BANK1: variants seen among roughly 807,000 people sequenced by gnomAD.
BANK1 encodes B cell scaffold protein with ankyrin repeats 1.
In BANK1, 95 loss-of-function variants were observed where a neutral mutation model predicts 94.5. That is an observed-to-expected ratio of 1.00 (90% CI 0.85 to 1.19). The LOEUF (loss-of-function observed/expected upper bound fraction) is 1.19. Ranked by LOEUF, BANK1 falls within the 50% of genes most tolerant of loss-of-function variation. The pLI is 0.00. For synonymous variants in BANK1, 334 were observed against 308.4 expected (o/e 1.08, Z -0.87); for missense variants, 987 against 932.2 (o/e 1.06, Z -0.77).
intron 6 of BANK1, among the ~76,000 whole-genome samples, chr4:101,910,137 ATATGT>A (rs1722613534): frequency 6.6e-6 from 1 of 152,012 alleles, no homozygotes; most frequent in Non-Finnish European, 1.5e-5. Context: ...CACTTGAAGG[ATATGT>A]TAAAATTCAG....
intron 11 of BANK1, among the ~76,000 whole-genome samples, chr4:102,058,529 C>A (rs867632428): frequency 5.9e-5 from 9 of 152,046 alleles, no homozygotes; most frequent in Middle Eastern, 3.4e-3. Flanking sequence ...AAATTCTTAT[C>A]TAAATGCAAT....
chr4:101,891,118 CA>C (rs1404130574), intron 5 of BANK1, among the ~76,000 whole-genome samples: 1 of 152,056 alleles, frequency 6.6e-6, no homozygotes, highest in African/African-American at 2.4e-5. Context: ...TCTGATGTGC[CA>C]AAAGGTCTTC....
At position 101,895,619 on chromosome 4, in the gene BANK1, C is replaced by T. The variant is rs139720918; in HGVS notation, c.1009+209C>T. On this transcript the variant is annotated intron_variant, in intron 6 of 16. Transcript: ENST00000322953. ...TTTTATCTCAGGCCTTAAAAATGCA[C>T]GTAACTTTTGCAATTAAAAAGCTTA... is the stretch of plus-strand genomic sequence containing the variant. Among the ~76,000 whole-genome samples, 670 of 151,742 alleles carry T rather than the reference C, an allele frequency of 4.4e-3. 6 individuals are homozygous for T. The highest frequency in any genetic ancestry group is 0.02 in the Middle Eastern group (6 of 294).
rs1578485939 is a variant in BANK1 at position 102,060,238 on chromosome 4, T to C, written c.1997T>C (p.Phe666Ser). ...QDRARIESPA[F>S]STLRGCLTDG... ...AGAGCTCGGATAGAGAGTCCAGCCTTTTCTACTCTCAGGGGCTGTCTAACT... is the reference window on the plus strand; with the variant it reads ...AGAGCTCGGATAGAGAGTCCAGCCTCTTCTACTCTCAGGGGCTGTCTAACT... Residue 666 changes from phenylalanine (F) to serine (S), a missense_variant, in exon 12 of 17, where the codon TTT (phenylalanine) becomes TCT (serine). Coordinates refer to ENST00000322953, the MANE Select transcript of BANK1 (RefSeq NM_017935.5). 2 of 1,590,104 alleles carry C rather than the reference T, an allele frequency of 1.3e-6. No homozygotes were observed. The highest frequency in any genetic ancestry group is 2.7e-5 in the African/African-American group (2 of 73,050).
intron 5 of BANK1, among the ~76,000 whole-genome samples, chr4:101,881,467 G>A (rs1010222412): frequency 3.3e-5 from 5 of 151,858 alleles, no homozygotes; most frequent in Non-Finnish European, 7.4e-5. Flanking sequence ...ACTGTTTGTC[G>A]GAAAGTAAAT....
At chr4:102,045,953 A>C (rs1727863506) in intron 11 of BANK1, among the ~76,000 whole-genome samples, 1 of 149,544 alleles carries the variant, frequency 6.7e-6, no homozygotes, top group South Asian at 2.1e-4. Context: ...TTTAAAGTTC[A>C]TATGGAACCA....
chr4:101,888,401 C>T (rs1728932714), intron 5 of BANK1, among the ~76,000 whole-genome samples: 1 of 152,176 alleles, frequency 6.6e-6, no homozygotes, highest in Non-Finnish European at 1.5e-5. Flanking sequence ...GTACCCCTAC[C>T]TCCCACACAC....
In BANK1 at chr4:101,918,044, G is replaced by A. The variant is rs1372627630; in HGVS notation, c.1061G>A (p.Gly354Asp). ...CTTCTCCACTGTGCAGCAAAATTTG[G>A]CTTAAAGAACCTGGCTATTCATTTG... ...PTLLHCAAKF[G>D]LKNLAIHLLQ... Residue 354 changes from glycine to aspartate, a missense_variant, in exon 7 of 17, where the codon GGC (glycine) becomes GAC (aspartate). By Grantham distance (94) the Gly-to-Asp change is moderately conservative. Coordinates refer to ENST00000322953, the MANE Select transcript of BANK1 (RefSeq NM_017935.5). 6.2e-7 allele frequency: 1 copy of A among 1,611,210 alleles called. No individual in the cohort carries two copies. Among genetic ancestry groups the A allele is most frequent in the African/African-American group, 1.3e-5 (1 of 74,802 alleles).
At position 102,073,615 on chromosome 4, in the gene BANK1, T is replaced by G. The variant is rs375773888; in HGVS notation, c.2299-69T>G. Reference sequence around the variant, plus strand: ...GAAAGGCAACTATAACTTTGTCATATTTCTTTGTTCAACCTTAAAATAGGG... The same window carrying G: ...GAAAGGCAACTATAACTTTGTCATAGTTCTTTGTTCAACCTTAAAATAGGG... On this transcript the variant is annotated intron_variant, in intron 15 of 16. Transcript: ENST00000322953. 3.0e-3 allele frequency: 4,318 copies of G among 1,427,728 alleles called. 9 individuals carry two copies. Among genetic ancestry groups the G allele is most frequent in the Non-Finnish European group, 3.8e-3 (3,907 of 1,030,134 alleles). The allele number at this position is 1,427,728 out of a possible 1,614,324, so 88.4% of individuals were successfully genotyped here. A position where few individuals can be genotyped will look rare whatever the true frequency, so the allele number is the denominator to read the frequency against.
rs1560721725 is a variant in BANK1, at chr4:102,073,665, T to C, written c.2299-19T>C. On this transcript the variant is annotated intron_variant, in intron 15 of 16. Transcript: ENST00000322953. ...GACAAATCGAGAAATACTAGCTCTA[T>C]ATCTTTATTTTTTTTCAGCTTCCTG... The C allele has an allele frequency of 4.4e-6, 7 of 1,607,244 alleles. No homozygotes were observed.
intron 7 of BANK1, among the ~76,000 whole-genome samples, chr4:101,961,120 C>G (rs546870074): frequency 5.3e-5 from 8 of 152,168 alleles, no homozygotes; most frequent in African/African-American, 1.4e-4. Flanking sequence ...ACATTATTGG[C>G]CAGTAAATGC....
chr4:102,030,311 A>G, intron 10 of BANK1, 46 bp downstream of exon 10: 2 of 1,510,458 alleles, frequency 1.3e-6, no homozygotes, highest in Middle Eastern at 1.8e-4. Context: ...TTTTTGTCCA[A>G]AATTTTGAGG....
chr4:101,913,710 C>A (rs1166729718), intron 6 of BANK1, among the ~76,000 whole-genome samples: 2 of 152,152 alleles, frequency 1.3e-5, no homozygotes, highest in African/African-American at 4.8e-5. Context: ...GCTCAATCTG[C>A]CACTAGGTAC....
At chr4:101,970,268 T>C (rs1343675192) in intron 7 of BANK1, among the ~76,000 whole-genome samples, 1 of 152,160 alleles carries the variant, frequency 6.6e-6, no homozygotes, top group Non-Finnish European at 1.5e-5. Context: ...ATGGATATTG[T>C]TATAGTTAAG....
intron 7 of BANK1, among the ~76,000 whole-genome samples, chr4:101,985,229 A>T (rs1188530422): frequency 6.6e-6 from 1 of 152,172 alleles, no homozygotes; most frequent in Non-Finnish European, 1.5e-5. Context: ...CAGGCAAGAC[A>T]AAGAATACTT....
chr4:102,063,050 A>G (rs969950337), intron 12 of BANK1, 25 bp from the exon 13 acceptor site: 1 of 1,600,812 alleles, frequency 6.2e-7, no homozygotes, highest in African/African-American at 1.3e-5. Flanking sequence ...AATCATAACT[A>G]TGTCCTGGTT....
chr4:102,059,478 C>T (rs1728341012), intron 11 of BANK1, among the ~76,000 whole-genome samples: 1 of 152,126 alleles, frequency 6.6e-6, no homozygotes, highest in South Asian at 2.1e-4. Flanking sequence ...ATTGCAGTAA[C>T]CTAGAGAGTA....
chr4:101,937,229 C>T (rs568759141), intron 7 of BANK1, among the ~76,000 whole-genome samples: 1 of 151,602 alleles, frequency 6.6e-6, no homozygotes, highest in African/African-American at 2.4e-5. Flanking sequence ...TATTCTCACA[C>T]ATTTGTGGGA....
chr4:102,050,329 G>A (rs946167845), intron 11 of BANK1, among the ~76,000 whole-genome samples: 1 of 152,170 alleles, frequency 6.6e-6, no homozygotes, highest in African/African-American at 2.4e-5. Flanking sequence ...GTGGGTAGGA[G>A]GAGCACATCC....
Sources: allele counts gnomAD v4.1 joint callset (sites outside exome capture counted in the v4.1 genomes callset), GRCh38; gene constraint gnomAD v4.1.1; transcripts MANE v1.5; gene names NCBI Gene and HGNC (gene_info 2026-07-23, HGNC 2026-07-21).